USP8: variants seen among roughly 807,000 people sequenced by gnomAD.
USP8 encodes the protein ubiquitin carboxyl-terminal hydrolase 8.
Under a neutral mutation model 130.0 loss-of-function variants are expected in USP8, and 27 were observed. The ratio of observed to expected loss-of-function variants is 0.21; its 90% confidence interval spans 0.15 to 0.29. USP8 has a LOEUF of 0.29. Ranked by LOEUF, USP8 falls within the 10% of genes least tolerant of loss-of-function variation. The pLI is 1.00. For synonymous variants in USP8, 392 were observed against 444.1 expected (o/e 0.88, Z 1.48); for missense variants, 1,029 against 1,312.2 (o/e 0.78, Z 3.33).
intron 7 of USP8, among the ~76,000 whole-genome samples, chr15:50,468,714 C>T (rs911215485): frequency 1.3e-5 from 2 of 152,110 alleles, no homozygotes; most frequent in Middle Eastern, 3.2e-3. Context: ...ACACTCCCCC[C>T]TCAAGTAGAC....
At chr15:50,498,484 T>A (rs1248467317) in intron 18 of USP8, 112 bp from the exon 19 acceptor site, 1 of 1,367,720 alleles carries the variant, frequency 7.3e-7, no homozygotes, top group Non-Finnish European at 9.7e-7. Flanking sequence ...ATTCCAAGTC[T>A]TTGTATTTGA....
chr15:50,448,857 G>A (rs2050523417), intron 3 of USP8, among the ~76,000 whole-genome samples: 2 of 152,060 alleles, frequency 1.3e-5, no homozygotes, highest in African/African-American at 4.8e-5. Flanking sequence ...CTATCATTTG[G>A]TTTTTAGTTG....
At chr15:50,444,034 GAAAGTCTTA>G (rs2050341476) in intron 3 of USP8, among the ~76,000 whole-genome samples, 1 of 150,520 alleles carries the variant, frequency 6.6e-6, no homozygotes, top group South Asian at 2.1e-4. Flanking sequence ...AAATATTTTT[GAAAGTCTTA>G]AAATTTGGAT....
chr15:50,462,043 G>A (rs2051025542), intron 5 of USP8, among the ~76,000 whole-genome samples: 1 of 152,108 alleles, frequency 6.6e-6, no homozygotes, highest in Non-Finnish European at 1.5e-5. Context: ...GTCTTTAATT[G>A]AAGTAAATTT....
chr15:50,490,599 T>C, intron 14 of USP8, 74 bp downstream of exon 14: 3 of 1,535,272 alleles, frequency 2.0e-6, no homozygotes, highest in Non-Finnish European at 2.6e-6. Flanking sequence ...TCTGTCAGTA[T>C]GTTAGTGTCA....
chr15:50,449,390 A>T lies in USP8; in HGVS notation c.250-10A>T. The T allele has an allele frequency of 6.4e-7, 1 of 1,554,256 alleles. No homozygotes were observed. The highest frequency in any genetic ancestry group is 1.2e-5 in the South Asian group (1 of 80,270). ...ACTAACAATATGGGATGGTTTTCCT[A>T]TAATTTTAGGATTATTTCCATTCAA... On this transcript the variant is annotated splice_polypyrimidine_tract_variant and intron_variant, in intron 3 of 19. Transcript: ENST00000307179.
rs2052721069 is a variant in USP8 at position 50,510,393 on chromosome 15, A to C, written c.*11305A>C. 6.6e-6 allele frequency: 1 copy of C among 152,196 alleles called. No homozygotes were observed. The highest frequency in any genetic ancestry group is 2.1e-4 in the South Asian group (1 of 4,832). 9.4% of individuals were successfully genotyped at this position (152,196 alleles called of 1,614,324 possible). A position where few individuals can be genotyped will look rare whatever the true frequency, so the allele number is the denominator to read the frequency against. ...CCAACCAAATTAAAACTTGATTGTC[A>C]GCAATTACAATAAGATACAACAACC... On this transcript the variant is annotated 3_prime_UTR_variant, in exon 20 of 20. Transcript: ENST00000307179.
chr15:50,458,190 T>C (rs1033101718), intron 4 of USP8, among the ~76,000 whole-genome samples: 1 of 152,132 alleles, frequency 6.6e-6, no homozygotes, highest in Admixed American at 6.5e-5. Context: ...CTCACTCTGT[T>C]ACCTAGGCTG....
chr15:50,501,163 TAAG>T lies in USP8; in HGVS notation c.*2080_*2082del, dbSNP rs1384163899. ...TTAAGCATTAAAGGAAATTTTACAA[TAAG>T]AAGATAATTCAGGCCGGGCACAGTG... On this transcript the variant is annotated 3_prime_UTR_variant, in exon 20 of 20. Coordinates refer to ENST00000307179, the MANE Select transcript of USP8 (RefSeq NM_005154.5). 2.0e-5 allele frequency: 5 copies of T among 245,026 alleles called. No homozygotes were observed. The highest frequency in any genetic ancestry group is 9.6e-5 in the East Asian group (1 of 10,426). The allele number at this position is 245,026 out of a possible 1,614,324, so 15.2% of individuals were successfully genotyped here.
intron 10 of USP8, among the ~76,000 whole-genome samples, chr15:50,477,972 A>G (rs996279021): frequency 4.6e-5 from 7 of 152,240 alleles, no homozygotes; most frequent in African/African-American, 1.7e-4. Flanking sequence ...ATTTTTCATC[A>G]TAATTCAGCA....
chr15:50,431,143 G>A (rs2141245359), intron 1 of USP8, among the ~76,000 whole-genome samples: 2 of 130,374 alleles, frequency 1.5e-5, no homozygotes, highest in Admixed American at 1.5e-4. Context: ...TTCATATTTT[G>A]CAGGGTACAG....
In USP8 at chr15:50,509,132, C is replaced by CCA. The variant is rs2052704439; in HGVS notation, c.*10044_*10045insCA. On this transcript the variant is annotated 3_prime_UTR_variant, in exon 20 of 20. Coordinates refer to ENST00000307179, the MANE Select transcript of USP8 (RefSeq NM_005154.5). ...TGGGCGACAGAGCGAGACTCCGTCA[C>CCA]AAAAAAAAAAAAAAAAAAAAAAAAA... The CCA allele has an allele frequency of 2.4e-5, 1 of 41,378 alleles. No individual in the cohort carries two copies. The highest frequency in any genetic ancestry group is 9.5e-5 in the African/African-American group (1 of 10,514). The allele number at this position is 41,378 out of a possible 1,614,324, so 2.6% of individuals were successfully genotyped here.
At chr15:50,445,637 G>A (rs2050409629) in intron 3 of USP8, among the ~76,000 whole-genome samples, 1 of 148,098 alleles carries the variant, frequency 6.8e-6, no homozygotes, top group South Asian at 2.1e-4. Flanking sequence ...GGATCACAAG[G>A]TCAGGAGTTC....
At chr15:50,482,172 T>C in intron 11 of USP8, 107 bp downstream of exon 11, 1 of 1,060,400 alleles carries the variant, frequency 9.4e-7, no homozygotes, top group Non-Finnish European at 1.3e-6. Context: ...AAATAGTCTT[T>C]TCAGGGGTGA....
In USP8 at chr15:50,428,646, A is replaced by G. The variant is rs138899208; in HGVS notation, c.-66+4132A>G. ...AATTACAACAATATAGTGTAATAAA[A>G]GTTATGCCCTGTGGCCATAACTTGT... On this transcript the variant is annotated intron_variant, in intron 1 of 19. Coordinates refer to ENST00000307179, the MANE Select transcript of USP8 (RefSeq NM_005154.5). 9.6e-4 allele frequency among the ~76,000 whole-genome samples: 147 copies of G among 152,380 alleles called. 2 individuals carry two copies. The East Asian group carries it at 0.026, about 27-fold the overall frequency.
At chr15:50,490,186 C>G (rs1222880520) in intron 13 of USP8, 77 bp from the exon 14 acceptor site, 3 of 1,407,588 alleles carry the variant, frequency 2.1e-6, no homozygotes, top group Non-Finnish European at 2.9e-6. Flanking sequence ...TAGCAGAATA[C>G]TTTGGAGTGA....
chr15:50,474,765 T>C (rs2051504247), intron 8 of USP8, among the ~76,000 whole-genome samples: 1 of 152,216 alleles, frequency 6.6e-6, no homozygotes, highest in Non-Finnish European at 1.5e-5. Flanking sequence ...AAAGCATTGG[T>C]ATTTTTTAGT....
chr15:50,489,933 T>C, intron 13 of USP8, 52 bp downstream of exon 13: 1 of 1,406,918 alleles, frequency 7.1e-7, no homozygotes. Flanking sequence ...AAAAAATGTT[T>C]TATTTGTTTA....
chr15:50,446,961 CTT>C lies in USP8; in HGVS notation c.250-2438_250-2437del, dbSNP rs981217100. ...CAGATTTTTCTTCTTAAAAATAAGT[CTT>C]ATGTTAACTGGGACACAAAAATTAA... On this transcript the variant is annotated intron_variant, in intron 3 of 19. Coordinates refer to ENST00000307179, the MANE Select transcript of USP8 (RefSeq NM_005154.5). Among the ~76,000 whole-genome samples the C allele has an allele frequency of 3.9e-5, 6 of 152,242 alleles. No individual in the cohort carries two copies. The East Asian group carries it at 1.2e-3, about 29-fold the overall frequency.
Sources: allele counts gnomAD v4.1 joint callset (sites outside exome capture counted in the v4.1 genomes callset), GRCh38; gene constraint gnomAD v4.1.1; transcripts MANE v1.5; gene names NCBI Gene and HGNC (gene_info 2026-07-23, HGNC 2026-07-21).